The following MED12L variants were observed in gnomAD, a reference collection of about 807,000 sequenced individuals.
The protein encoded by MED12L is mediator of RNA polymerase II transcription subunit 12-like protein.
Under a neutral mutation model 281.3 loss-of-function variants are expected in MED12L, and 60 were observed. The observed-to-expected ratio is 0.21, with a 90% confidence interval of 0.17 to 0.26. The LOEUF (loss-of-function observed/expected upper bound fraction) is 0.26. MED12L is among the 10% of genes least tolerant of loss of function. The pLI is 1.00. For missense variants in MED12L, 2,146 were observed against 2,680.9 expected, an observed-to-expected ratio of 0.80 and a Z score of 4.41; for synonymous variants, 974 against 987.2, an observed-to-expected ratio of 0.99 and a Z score of 0.25.
At chr3:151,163,245 C>G (rs1720230178) in intron 8 of MED12L, among the ~76,000 whole-genome samples, 1 of 152,054 alleles carries the variant, frequency 6.6e-6, no homozygotes, top group Non-Finnish European at 1.5e-5. Flanking sequence ...CTGCAAGTGT[C>G]TAGGGCGAGG....
At chr3:151,290,814 G>A (rs143408225) in intron 16 of MED12L, among the ~76,000 whole-genome samples, 2 of 152,228 alleles carry the variant, frequency 1.3e-5, no homozygotes, top group East Asian at 3.9e-4. Context: ...CTGTGAATTC[G>A]AATGCTGTAA....
At chr3:151,213,139 CAA>C in intron 16 of MED12L, 1 of 557,256 alleles carries the variant, frequency 1.8e-6, no homozygotes. Flanking sequence ...TTTGATGTTA[CAA>C]AAAAGCATGG....
intron 16 of MED12L, among the ~76,000 whole-genome samples, chr3:151,258,851 CAAAAAAAA>C (rs63714361): frequency 1.1e-5 from 1 of 89,934 alleles, no homozygotes; most frequent in African/African-American, 4.7e-5. Flanking sequence ...GATTCTGTCT[CAAAAAAAA>C]AAAAAAAAAA....
intron 35 of MED12L, 83 bp from the exon 36 acceptor site, chr3:151,384,947 G>A: frequency 1.3e-6 from 1 of 785,866 alleles, no homozygotes; most frequent in Non-Finnish European, 2.3e-6. Flanking sequence ...TGTTTCATAG[G>A]GGAACTTCCT....
intron 8 of MED12L, among the ~76,000 whole-genome samples, chr3:151,162,852 C>T (rs1720178165): frequency 6.6e-6 from 1 of 152,170 alleles, no homozygotes; most frequent in African/African-American, 2.4e-5. Flanking sequence ...TTTTAAACCT[C>T]ACTCTGCCAC....
At chr3:151,205,289 T>C (rs1392345917) in intron 16 of MED12L, among the ~76,000 whole-genome samples, 5 of 152,206 alleles carry the variant, frequency 3.3e-5, no homozygotes, top group Non-Finnish European at 7.3e-5. Flanking sequence ...CAGTACTTTT[T>C]GTTAAAGAAA....
At position 151,322,499 on chromosome 3, in the gene MED12L, C is replaced by T. The variant is rs111333037; in HGVS notation, c.2251-27560C>T. Reference sequence around the variant, plus strand: ...GGTGTGAGCTACTGCATCTGGCGCCCCATGGAACTCTTTTAAACTGACTTA... The same window carrying T: ...GGTGTGAGCTACTGCATCTGGCGCCTCATGGAACTCTTTTAAACTGACTTA... On this transcript the variant is annotated intron_variant, in intron 16 of 44. Coordinates refer to ENST00000687756, the MANE Select transcript of MED12L (RefSeq NM_001393769.1). Among the ~76,000 whole-genome samples, 1,412 of 152,040 alleles carry T rather than the reference C, an allele frequency of 9.3e-3. 15 individuals are homozygous for T. The highest frequency in any genetic ancestry group is 0.015 in the Non-Finnish European group (1,022 of 67,930).
rs1354965467 is a variant in MED12L, at chr3:151,376,971, A to G, written c.4129-20A>G. 6.2e-7 allele frequency: 1 copy of G among 1,612,558 alleles called. No individual in the cohort carries two copies. Among genetic ancestry groups the G allele is most frequent in the Non-Finnish European group, 8.5e-7 (1 of 1,179,176 alleles). On this transcript the variant is annotated intron_variant, in intron 29 of 44. Transcript: ENST00000687756. ...TAAAGGAATACACATATGTGCCAGTATTCTTATATCTAACTCTAGGGCTCT... is the reference window on the plus strand; with the variant it reads ...TAAAGGAATACACATATGTGCCAGTGTTCTTATATCTAACTCTAGGGCTCT...
chr3:151,220,164 TG>T (rs1168372614), intron 16 of MED12L, among the ~76,000 whole-genome samples: 2 of 149,304 alleles, frequency 1.3e-5, no homozygotes, highest in East Asian at 3.9e-4. Context: ...TAATCAAAAA[TG>T]TTTCTAGACT....
chr3:151,297,317 C>G (rs1745233155), intron 16 of MED12L, among the ~76,000 whole-genome samples: 1 of 152,170 alleles, frequency 6.6e-6, no homozygotes, highest in Admixed American at 6.5e-5. Context: ...TTAGGAACTT[C>G]TTAAGATGTG....
At chr3:151,134,804 T>G (rs1056275359) in intron 5 of MED12L, among the ~76,000 whole-genome samples, 1 of 152,180 alleles carries the variant, frequency 6.6e-6, no homozygotes, top group Non-Finnish European at 1.5e-5. Flanking sequence ...TCAAATAGTT[T>G]GACTTGTTGC....
rs370542375 is a variant in MED12L at position 151,339,572 on chromosome 3, A to C, written c.2251-10487A>C. On this transcript the variant is annotated intron_variant, in intron 16 of 44. Transcript: ENST00000687756. ...TTAACCCATGTGTATCTTATTTCCA[A>C]CTTTCCTCAGTGTTTTGAAGTTGCT... Among the ~76,000 whole-genome samples, 22 of 152,102 alleles carry C rather than the reference A, an allele frequency of 1.4e-4. No homozygotes were observed. In the East Asian group the frequency reaches 2.9e-3, roughly 20 times the overall value.
chr3:151,214,082 G>C (rs763744609), intron 16 of MED12L: 1 of 1,613,966 alleles, frequency 6.2e-7, no homozygotes, highest in South Asian at 1.1e-5. Flanking sequence ...GAGTCACCAA[G>C]GATCTTGAAA....
At chr3:151,100,165 A>G (rs1406232892) in intron 2 of MED12L, among the ~76,000 whole-genome samples, 4 of 152,160 alleles carry the variant, frequency 2.6e-5, no homozygotes, top group African/African-American at 9.7e-5. Context: ...TAGAAAGGAG[A>G]GGAGACGGAA....
chr3:151,409,565 A>G (rs539459002), intron 40 of MED12L, among the ~76,000 whole-genome samples: 3 of 152,372 alleles, frequency 2.0e-5, no homozygotes, highest in East Asian at 3.9e-4. Context: ...TGTAAATTCA[A>G]ACCTTTTATT....
intron 5 of MED12L, among the ~76,000 whole-genome samples, chr3:151,152,632 A>G (rs151303173): frequency 6.6e-6 from 1 of 152,144 alleles, no homozygotes. Flanking sequence ...TCCGTGTTGC[A>G]TGCTTCATGC....
chr3:151,203,977 ACC>A (rs1726015698), intron 16 of MED12L, among the ~76,000 whole-genome samples: 1 of 152,164 alleles, frequency 6.6e-6, no homozygotes. Context: ...GTGTAAAGGA[ACC>A]CTACAGTGTG....
intron 2 of MED12L, among the ~76,000 whole-genome samples, chr3:151,106,896 T>A (rs940047750): frequency 1.6e-4 from 24 of 152,340 alleles, no homozygotes; most frequent in Admixed American, 6.5e-4. Context: ...TATCAACTTA[T>A]CTGTCTCTAT....
rs1271711009 is a variant in MED12L at position 151,369,447 on chromosome 3, C to T, written c.3562C>T (p.Pro1188Ser). Residue 1188 changes from proline to serine, a missense_variant, in exon 26 of 45, where the codon CCT becomes TCT. Physicochemically the swap from Pro to Ser is moderately conservative, Grantham distance 74. This residue lies in a region of MED12L where 404 missense variants were observed against 603.5 expected (regional missense o/e 0.67). Coordinates refer to ENST00000687756, the MANE Select transcript of MED12L (RefSeq NM_001393769.1). ...TGTTGTTTTTGTAGGCAAACCTTTCCCTGGAATAAGATCATCTTGTGATAG... is the reference window on the plus strand; with the variant it reads ...TGTTGTTTTTGTAGGCAAACCTTTCTCTGGAATAAGATCATCTTGTGATAG... ...FLPQATGKPF[P>S]GIRSSCDRHL... The T allele has an allele frequency of 1.2e-6, 2 of 1,600,648 alleles. No individual in the cohort carries two copies. Among genetic ancestry groups the T allele is most frequent in the African/African-American group, 1.3e-5 (1 of 74,438 alleles).
Sources: allele counts gnomAD v4.1 joint callset (sites outside exome capture counted in the v4.1 genomes callset), GRCh38; gene constraint gnomAD v4.1.1; regional missense constraint gnomAD v4.1.1; transcripts MANE v1.5; gene names NCBI Gene and HGNC (gene_info 2026-07-23, HGNC 2026-07-21).